UTP18: variants seen among roughly 807,000 people sequenced by gnomAD.
UTP18 encodes the protein UTP18 small subunit processome component, also known as U3 small nucleolar RNA-associated protein 18 homolog.
Under a neutral mutation model 61.1 loss-of-function variants are expected in UTP18, and 36 were observed. The observed-to-expected ratio is 0.59, with a 90% CI of 0.45 to 0.78. The LOEUF is 0.78. Among genes scored for constraint, UTP18 ranks in the 30% least tolerant of loss-of-function variants. UTP18 has a pLI of 0.00. For synonymous variants in UTP18, 282 were observed against 251.1 expected (o/e 1.12, Z -1.16); for missense variants, 753 against 693.9 (o/e 1.09, Z -0.96).
Position 51,266,247 on chromosome 17 carries a change from C to G in UTP18, c.521C>G (p.Ser174Trp). Residue 174 changes from serine to tryptophan, a missense_variant, in exon 3 of 14, where the codon TCG becomes TGG. By Grantham distance (177) the Ser-to-Trp change is radical. Transcript: ENST00000225298. ...MMKNASESKL[S>W]KDNLKKRLKE... ...AAAAATGCTAGTGAAAGTAAACTTT[C>G]GAAAGACAACCTTAAAAAGAGACTT... The G allele has an allele frequency of 6.3e-7, 1 of 1,599,444 alleles. No individual in the cohort carries two copies. Among genetic ancestry groups the G allele is most frequent in the Non-Finnish European group, 8.5e-7 (1 of 1,175,182 alleles).
chr17:51,276,235 C>T (rs1904717039), intron 6 of UTP18, among the ~76,000 whole-genome samples: 1 of 152,218 alleles, frequency 6.6e-6, no homozygotes, highest in Non-Finnish European at 1.5e-5. Context: ...TTTTCAATCA[C>T]AGCTGCTCAC....
chr17:51,266,728 TTAAGGA>T (rs1439900368), intron 3 of UTP18, among the ~76,000 whole-genome samples: 1 of 152,204 alleles, frequency 6.6e-6, no homozygotes, highest in Non-Finnish European at 1.5e-5. Flanking sequence ...TCTCTTAAGA[TTAAGGA>T]TGTTTTCCTT....
At chr17:51,264,091 C>T (rs957454416) in intron 2 of UTP18, among the ~76,000 whole-genome samples, 20 of 150,576 alleles carry the variant, frequency 1.3e-4, no homozygotes, top group African/African-American at 4.9e-4. Context: ...GGCTGGAGTG[C>T]AGTGGTGCGA....
In UTP18 at chr17:51,272,159, C is replaced by T. The variant is rs1167110209; in HGVS notation, c.623-1203C>T. On this transcript the variant is annotated intron_variant, in intron 4 of 13. Transcript: ENST00000225298. Reference sequence around the variant, plus strand: ...TGTTGCCCAGGCTGGAGTGCAGTGGCGCAATCTCAGCTCACTGCAACCTCT... The same window carrying T: ...TGTTGCCCAGGCTGGAGTGCAGTGGTGCAATCTCAGCTCACTGCAACCTCT... Among the ~76,000 whole-genome samples the T allele has an allele frequency of 4.6e-5, 7 of 151,956 alleles. No individual in the cohort carries two copies. The South Asian group carries it at 6.2e-4, about 14-fold the overall frequency.
intron 8 of UTP18, 76 bp downstream of exon 8, chr17:51,280,181 T>C (rs1904866485): frequency 1.4e-6 from 2 of 1,465,950 alleles, no homozygotes; most frequent in South Asian, 1.2e-5. Context: ...CTTAACTCAG[T>C]GTGTCCTTAA....
chr17:51,260,896 C>T lies in UTP18; in HGVS notation c.312C>T (p.Asp104=), dbSNP rs14180. ...LVFGDVENDE[D]ALLRRLRGPR... ...TCGGCGACGTCGAGAACGACGAGGA[C>T]GCGTTGCTGCGGCGTCTGCGAGGCC... Residue 104 remains aspartate, a synonymous_variant, in exon 1 of 14, where the codon GAC becomes GAT. Coordinates refer to ENST00000225298, the MANE Select transcript of UTP18 (RefSeq NM_016001.3). 0.1 allele frequency: 160,496 copies of T among 1,595,308 alleles called. 8,913 individuals are homozygous for T. Among genetic ancestry groups the T allele is most frequent in the East Asian group, 0.12 (5,313 of 43,598 alleles).
At chr17:51,277,002 C>A (rs1904744105) in intron 6 of UTP18, 128 bp from the exon 7 acceptor site, 7 of 926,356 alleles carry the variant, frequency 7.6e-6, no homozygotes, top group Non-Finnish European at 1.1e-5. Context: ...CTGGCCGTGG[C>A]TGCTTAAGTC....
chr17:51,291,191 A>G (rs899818909), intron 11 of UTP18, among the ~76,000 whole-genome samples: 9 of 151,474 alleles, frequency 5.9e-5, no homozygotes, highest in African/African-American at 2.2e-4. Flanking sequence ...GCCAGGAGTT[A>G]AAGAAGTTGG....
chr17:51,286,228 T>C (rs1905109364), intron 10 of UTP18, among the ~76,000 whole-genome samples: 1 of 152,228 alleles, frequency 6.6e-6, no homozygotes, highest in African/African-American at 2.4e-5. Context: ...GTTCTACTAC[T>C]TGATTCTGAA....
chr17:51,277,274 G>A lies in UTP18; in HGVS notation c.982G>A (p.Gly328Arg). Reference sequence around the variant, plus strand: ...TCTTTATGTCTATGACATGCTGGCTGGAAAGTTAATTCCTGTGCATCAAGT... The same window carrying A: ...TCTTTATGTCTATGACATGCTGGCTAGAAAGTTAATTCCTGTGCATCAAGT... ...KVLYVYDMLA[G>R]KLIPVHQVRG... is the part of the protein sequence containing the mutation. The change falls in exon 7 of 14, where the codon GGA (glycine) becomes AGA (arginine). Residue 328 changes from glycine (G) to arginine (R), a missense_variant. Transcript: ENST00000225298. 1 of 1,614,026 alleles carries A rather than the reference G, an allele frequency of 6.2e-7. No homozygotes were observed. The highest frequency in any genetic ancestry group is 8.5e-7 in the Non-Finnish European group (1 of 1,179,972).
intron 7 of UTP18, among the ~76,000 whole-genome samples, chr17:51,277,923 T>C (rs1904784751): frequency 6.6e-6 from 1 of 152,146 alleles, no homozygotes; most frequent in Admixed American, 6.6e-5. Context: ...AAAGCCCTTC[T>C]AATGAGGTTG....
Position 51,293,910 on chromosome 17 carries a change from T to G in UTP18, c.1511T>G (p.Leu504Arg). The change falls in exon 12 of 14, where the codon CTT becomes CGT. Residue 504 changes from leucine (L) to arginine (R), a missense_variant. Physicochemically the swap from Leu to Arg is moderately radical, Grantham distance 102. Transcript: ENST00000225298. Reference sequence around the variant, plus strand: ...TTTTATTATCTCCTGCAGGTTCATCTTCCTTCCTGTACAGTATTTTCAAAC... The same window carrying G: ...TTTTATTATCTCCTGCAGGTTCATCGTCCTTCCTGTACAGTATTTTCAAAC... ...KMKEAVRLVHLPSCTVFSNFP... is the reference protein window; with the variant it reads ...KMKEAVRLVHRPSCTVFSNFP... The G allele has an allele frequency of 1.3e-6, 2 of 1,579,384 alleles. No homozygotes were observed. The highest frequency in any genetic ancestry group is 2.4e-5 in the South Asian group (2 of 83,510).
chr17:51,293,313 T>A (rs1905279909), intron 11 of UTP18, among the ~76,000 whole-genome samples: 1 of 152,134 alleles, frequency 6.6e-6, no homozygotes, highest in African/African-American at 2.4e-5. Context: ...AATTTTATAG[T>A]GTGTACACAT....
chr17:51,268,002 TTTTTG>T (rs1444368033), intron 3 of UTP18, among the ~76,000 whole-genome samples: 214 of 143,962 alleles, frequency 1.5e-3, no homozygotes, highest in African/African-American at 5.9e-3. Context: ...GTTTTTTTGT[TTTTTG>T]TTTTTTGTTT....
At chr17:51,271,392 G>A (rs888961517) in intron 4 of UTP18, among the ~76,000 whole-genome samples, 1 of 151,142 alleles carries the variant, frequency 6.6e-6, no homozygotes, top group Non-Finnish European at 1.5e-5. Context: ...CTGTAGTCTC[G>A]ACCTCCTGGG....
At position 51,269,839 on chromosome 17, in the gene UTP18, TTG is replaced by T. The variant is rs58180688; in HGVS notation, c.622+965_622+966del. Among the ~76,000 whole-genome samples, 791 of 137,706 alleles carry T rather than the reference TTG, an allele frequency of 5.7e-3. 3 individuals are homozygous for T. The highest frequency in any genetic ancestry group is 6.5e-3 in the Non-Finnish European group (406 of 62,186). The allele number at this position is 137,706 out of a possible 152,430, so 90.3% of individuals were successfully genotyped here. A position where few individuals can be genotyped will look rare whatever the true frequency, so the allele number is the denominator to read the frequency against. On this transcript the variant is annotated intron_variant, in intron 4 of 13. Coordinates refer to ENST00000225298, the MANE Select transcript of UTP18 (RefSeq NM_016001.3). ...CTGCTTAAATATATCAAATAATGTA[TTG>T]TGTGTGTGTGTGTGTGTGTGTGTGT...
At chr17:51,275,735 A>C in intron 5 of UTP18, 131 bp from the exon 6 acceptor site, 1 of 572,154 alleles carries the variant, frequency 1.7e-6, no homozygotes, top group Non-Finnish European at 2.4e-6. Context: ...TTTTTTTTTG[A>C]GTTGTGTTTG....
intron 9 of UTP18, among the ~76,000 whole-genome samples, chr17:51,282,799 A>G (rs189047761): frequency 4.9e-4 from 74 of 152,072 alleles, no homozygotes; most frequent in African/African-American, 1.3e-3. Context: ...AGTTAGGGGT[A>G]ATTTTGAAAT....
At chr17:51,289,075 T>C (rs145235289) in intron 11 of UTP18, among the ~76,000 whole-genome samples, 3 of 152,346 alleles carry the variant, frequency 2.0e-5, no homozygotes, top group East Asian at 1.9e-4. Context: ...ACAAACAGTT[T>C]AGGCACAGTG....
Sources: allele counts gnomAD v4.1 joint callset (sites outside exome capture counted in the v4.1 genomes callset), GRCh38; gene constraint gnomAD v4.1.1; transcripts MANE v1.5; gene names NCBI Gene and HGNC (gene_info 2026-07-23, HGNC 2026-07-21).